RAD51AP2: variants seen among roughly 807,000 people sequenced by gnomAD.
RAD51AP2 encodes the protein RAD51-associated protein 2.
A neutral mutation model predicts 85.5 loss-of-function variants in RAD51AP2; 67 were observed. The observed-to-expected ratio is 0.78, with a 90% CI of 0.64 to 0.96. The LOEUF (loss-of-function observed/expected upper bound fraction) is 0.96. Ranked by LOEUF, RAD51AP2 falls within the 40% of genes least tolerant of loss-of-function variation. RAD51AP2 has a pLI of 0.00. For missense variants in RAD51AP2, 1,307 were observed against 1,332.4 expected (o/e 0.98, Z 0.30); for synonymous variants, 474 against 446.5 (o/e 1.06, Z -0.78).
upstream of RAD51AP2, among the ~76,000 whole-genome samples, chr2:17,520,074 A>G (rs1236388759): frequency 6.6e-6 from 1 of 152,136 alleles, no homozygotes; most frequent in African/African-American, 2.4e-5. Context: ...TAACAACTCT[A>G]CATTGTTTAA....
At chr2:17,512,712 A>G (rs1395682491) in intron 2 of RAD51AP2, among the ~76,000 whole-genome samples, 2 of 152,190 alleles carry the variant, frequency 1.3e-5, no homozygotes, top group African/African-American at 4.8e-5. Flanking sequence ...TTTCTGCCCT[A>G]GAAGAAGCAA....
At chr2:17,511,406 A>G (rs1662491935) in intron 2 of RAD51AP2, among the ~76,000 whole-genome samples, 1 of 152,212 alleles carries the variant, frequency 6.6e-6, no homozygotes. Flanking sequence ...TCTATTATGC[A>G]TCAATAGAGG....
At position 17,518,353 on chromosome 2, in the gene RAD51AP2, C is replaced by A. The variant is rs2103313675; in HGVS notation, c.63G>T (p.Thr21=). The change falls in exon 1 of 3, where the codon ACG becomes ACT. Residue 21 remains threonine (T), a synonymous_variant. Coordinates refer to ENST00000399080, the MANE Select transcript of RAD51AP2 (RefSeq NM_001099218.3). The part of the protein sequence containing the change: ...AELRKPTSSL[T]PPEDPDSQPP... Reference sequence around the variant, plus strand: ...GTTGGGAATCCGGGTCCTCAGGAGGCGTTAAAGAGGAGGTAGGCTTTCTGA... The same window carrying A: ...GTTGGGAATCCGGGTCCTCAGGAGGAGTTAAAGAGGAGGTAGGCTTTCTGA... The A allele has an allele frequency of 6.2e-7, 1 of 1,613,998 alleles. No homozygotes were observed. Among genetic ancestry groups the A allele is most frequent in the Non-Finnish European group, 8.5e-7 (1 of 1,180,012 alleles).
At chr2:17,527,724 G>A in the RAD51AP2 span, among the ~76,000 whole-genome samples, 1 of 152,170 alleles carries the variant, frequency 6.6e-6, no homozygotes. Context: ...GGAGTAGAGA[G>A]GTTGAACTTG....
At position 17,516,117 on chromosome 2, in the gene RAD51AP2, T is replaced by C. The variant is rs935982235; in HGVS notation, c.2299A>G (p.Arg767Gly). 1.9e-6 allele frequency: 3 copies of C among 1,612,366 alleles called. No individual in the cohort carries two copies. Among genetic ancestry groups the C allele is most frequent in the Non-Finnish European group, 2.5e-6 (3 of 1,179,526 alleles). ...NMHSQDLNMERKQGHNKISNF... is the reference protein window; with the variant it reads ...NMHSQDLNMEGKQGHNKISNF... ...CTGATCTTATTATGTCCCTGTTTTC[T>C]TTCCATATTTAAATCTTGGCTGTGC... is the stretch of plus-strand genomic sequence containing the variant. Residue 767 changes from arginine to glycine, a missense_variant, in exon 1 of 3, where the codon AGA (arginine) becomes GGA (glycine). Transcript: ENST00000399080.
the RAD51AP2 span, among the ~76,000 whole-genome samples, chr2:17,535,325 A>G: frequency 6.6e-6 from 1 of 152,234 alleles, no homozygotes; most frequent in Admixed American, 6.5e-5. Context: ...AGCACTAAAA[A>G]GACATGGCAA....
the RAD51AP2 span, among the ~76,000 whole-genome samples, chr2:17,530,433 T>C: frequency 1.8e-4 from 28 of 152,046 alleles, no homozygotes; most frequent in African/African-American, 6.7e-4. Context: ...ATAAACAGAT[T>C]AGCCAGGTGT....
chr2:17,512,820 C>G (rs1199812976), intron 2 of RAD51AP2, among the ~76,000 whole-genome samples: 1 of 152,222 alleles, frequency 6.6e-6, no homozygotes, highest in Non-Finnish European at 1.5e-5. Context: ...GAAGAGACTA[C>G]CTGTGGGCTT....
At chr2:17,522,241 A>G (rs1016885027), upstream of RAD51AP2, among the ~76,000 whole-genome samples, 4 of 151,612 alleles carry the variant, frequency 2.6e-5, no homozygotes, top group African/African-American at 9.7e-5. Context: ...TTCCACATCT[A>G]CTCCCACAAC....
At chr2:17,521,773 T>C (rs188630437), upstream of RAD51AP2, among the ~76,000 whole-genome samples, 2 of 152,146 alleles carry the variant, frequency 1.3e-5, no homozygotes, top group Admixed American at 6.5e-5. Flanking sequence ...TGCTTTAAAC[T>C]ATAAACCACC....
Position 17,518,202 on chromosome 2 carries a change from T to G in RAD51AP2, c.214A>C (p.Lys72Gln), listed in dbSNP as rs201463935. 5.9e-5 allele frequency: 96 copies of G among 1,613,998 alleles called. No homozygotes were observed. The highest frequency in any genetic ancestry group is 5.3e-4 in the Admixed American group (32 of 60,000). ...KVWELSPRPF[K>Q]GLLVSTNAIF... ...GCATTCGTTGAAACAAGGAGTCCCT[T>G]GAAGGGTCTAGGGGACAACTCCCAG... is the stretch of plus-strand genomic sequence containing the variant. The change falls in exon 1 of 3, where the codon AAG becomes CAG. Residue 72 changes from lysine (K) to glutamine (Q), a missense_variant. Transcript: ENST00000399080.
In RAD51AP2 at chr2:17,517,503, C is replaced by T; in HGVS notation, c.913G>A (p.Val305Ile). Residue 305 changes from valine to isoleucine, a missense_variant, in exon 1 of 3, where the codon GTT becomes ATT. By Grantham distance (29) the Val-to-Ile change is conservative (BLOSUM62 3). Coordinates refer to ENST00000399080, the MANE Select transcript of RAD51AP2 (RefSeq NM_001099218.3). ...TCATTCTGTAACTTTTGCTTCTTAA[C>T]ATCAGGTCTATTTTGGGACCAGTAA... ...NIYWSQNRPDVKKQKLQNDKK... is the reference protein window; with the variant it reads ...NIYWSQNRPDIKKQKLQNDKK... 1 of 1,613,880 alleles carries T rather than the reference C, an allele frequency of 6.2e-7. No individual in the cohort carries two copies. Among genetic ancestry groups the T allele is most frequent in the Non-Finnish European group, 8.5e-7 (1 of 1,179,922 alleles).
Position 17,517,420 on chromosome 2 carries a change from T to C in RAD51AP2, c.996A>G (p.Pro332=), listed in dbSNP as rs752223329. Residue 332 remains proline (P), a synonymous_variant, in exon 1 of 3, where the codon CCA becomes CCG. Transcript: ENST00000399080. The stretch of plus-strand genomic sequence containing the variant: ...TACAAGTATTTTGGCTACTGAGTGA[T>C]GGGTAGTCATTTTCATAACATTTGG... The part of the protein sequence containing the change: ...IFSKCYENDY[P]SLSSQNTCKR... 8.1e-6 allele frequency: 13 copies of C among 1,613,624 alleles called. No homozygotes were observed. Among genetic ancestry groups the C allele is most frequent in the African/African-American group, 1.3e-5 (1 of 74,936 alleles).
Position 17,518,417 on chromosome 2 carries a change from A to T in RAD51AP2, c.-2T>A. On this transcript the variant is annotated 5_prime_UTR_variant, in exon 1 of 3. Transcript: ENST00000399080. ...CGGCGTGGGCTGAGGGAGAGACATG[A>T]CAGCGAATGGAAAGGATCTGTCCGA... 6.2e-7 allele frequency: 1 copy of T among 1,609,378 alleles called. No individual in the cohort carries two copies. The highest frequency in any genetic ancestry group is 8.5e-7 in the Non-Finnish European group (1 of 1,178,698).
chr2:17,529,317 T>C, the RAD51AP2 span, among the ~76,000 whole-genome samples: 1 of 151,860 alleles, frequency 6.6e-6, no homozygotes, highest in African/African-American at 2.4e-5. Context: ...AAAAAACAAC[T>C]GTTTTCTACT....
chr2:17,519,588 T>C (rs978162638), upstream of RAD51AP2, among the ~76,000 whole-genome samples: 2 of 152,208 alleles, frequency 1.3e-5, no homozygotes, highest in African/African-American at 4.8e-5. Flanking sequence ...GGTAATAAGA[T>C]GTTCACCAGT....
chr2:17,526,430 T>C, the RAD51AP2 span, among the ~76,000 whole-genome samples: 3 of 152,186 alleles, frequency 2.0e-5, no homozygotes, highest in African/African-American at 7.2e-5. Context: ...TCATATTTTC[T>C]ACTTTTACAC....
chr2:17,517,221 C>A lies in RAD51AP2; in HGVS notation c.1195G>T (p.Val399Phe). 1 of 1,613,756 alleles carries A rather than the reference C, an allele frequency of 6.2e-7. No individual in the cohort carries two copies. Among genetic ancestry groups the A allele is most frequent in the East Asian group, 2.2e-5 (1 of 44,860 alleles). ...LEKSQNWDCN[V>F]RHILRRNRGN... Reference sequence around the variant, plus strand: ...CTATTTCTTCTCAAAATATGTCTAACGTTACAGTCCCAGTTTTGAGATTTT... The same window carrying A: ...CTATTTCTTCTCAAAATATGTCTAAAGTTACAGTCCCAGTTTTGAGATTTT... Residue 399 changes from valine (V) to phenylalanine (F), a missense_variant, in exon 1 of 3, where the codon GTT becomes TTT. Around this residue, in one of 3 missense-constraint regions of RAD51AP2, gnomAD observed 635 missense variants for 643.6 expected, o/e 0.99. Transcript: ENST00000399080.
Position 17,516,748 on chromosome 2 carries a change from A to G in RAD51AP2, c.1668T>C (p.Asn556=), listed in dbSNP as rs185062082. Residue 556 remains asparagine, a synonymous_variant, in exon 1 of 3, where the codon AAT becomes AAC. Transcript: ENST00000399080. Reference sequence around the variant, plus strand: ...TTAAAATTCCATTCTTTATATTTGTATTCATGTTTCTGGTTATTAGATTTT... The same window carrying G: ...TTAAAATTCCATTCTTTATATTTGTGTTCATGTTTCTGGTTATTAGATTTT... ...GIQNLITRNM[N]TNIKNGILSI... The G allele has an allele frequency of 1.3e-5, 21 of 1,570,912 alleles. No homozygotes were observed. In the Middle Eastern group the frequency reaches 6.8e-4, roughly 51 times the overall value.
Sources: allele counts gnomAD v4.1 joint callset (sites outside exome capture counted in the v4.1 genomes callset), GRCh38; gene constraint gnomAD v4.1.1; regional missense constraint gnomAD v4.1.1; transcripts MANE v1.5; gene names NCBI Gene and HGNC (gene_info 2026-07-23, HGNC 2026-07-21).